The following MTHFD1L variants were observed in gnomAD, a reference collection of about 807,000 sequenced individuals.
MTHFD1L encodes the protein monofunctional C1-tetrahydrofolate synthase, mitochondrial.
Under a neutral mutation model 119.5 loss-of-function variants are expected in MTHFD1L, and 81 were observed. That is an observed-to-expected ratio of 0.68 (90% CI 0.57 to 0.82). The LOEUF is 0.82. Among genes scored for constraint, MTHFD1L ranks in the 40% least tolerant of loss-of-function variants. The pLI is 0.00. For synonymous variants in MTHFD1L, 430 were observed against 475.2 expected (o/e 0.90, Z 1.24); for missense variants, 1,125 against 1,253.4 (o/e 0.90, Z 1.55).
intron 5 of MTHFD1L, among the ~76,000 whole-genome samples, chr6:150,883,788 C>T (rs1179284372): frequency 6.6e-5 from 10 of 152,126 alleles, no homozygotes; most frequent in Non-Finnish European, 1.3e-4. Context: ...CATTTTCCTC[C>T]ATGGAAATAT....
chr6:151,088,659 C>G (rs1396221651), intron 26 of MTHFD1L, among the ~76,000 whole-genome samples: 1 of 134,704 alleles, frequency 7.4e-6, no homozygotes, highest in African/African-American at 2.8e-5. Context: ...GTAGAAGAGA[C>G]AGAGTTTCGC....
intron 6 of MTHFD1L, 89 bp downstream of exon 6, chr6:150,885,823 A>C (rs1782147795): frequency 1.0e-6 from 1 of 965,960 alleles, no homozygotes; most frequent in African/African-American, 1.7e-5. Context: ...AAGAATTAAA[A>C]ATTTTTTTAA....
chr6:150,886,505 A>AGGTTGGGATTTATTGGTGAGCAGCTTGC (rs1782330900), intron 6 of MTHFD1L, among the ~76,000 whole-genome samples: 1 of 151,174 alleles, frequency 6.6e-6, no homozygotes, highest in African/African-American at 2.4e-5. Context: ...ACAGGAGCCT[A>AGGTTGGGATTTATTGGTGAGCAGCTTGC]GGTTGGGATT....
intron 22 of MTHFD1L, 145 bp from the exon 23 acceptor site, chr6:151,014,734 CT>C: frequency 1.6e-6 from 1 of 616,324 alleles, no homozygotes. Context: ...AGACGAACCT[CT>C]TTATTCTTGC....
chr6:151,004,560 A>G (rs1379891480), intron 20 of MTHFD1L, among the ~76,000 whole-genome samples: 1 of 152,146 alleles, frequency 6.6e-6, no homozygotes, highest in Non-Finnish European at 1.5e-5. Flanking sequence ...GCACCCGTGG[A>G]TGATCATGGA....
chr6:150,899,915 G>A (rs961132626), intron 7 of MTHFD1L, among the ~76,000 whole-genome samples: 4 of 151,414 alleles, frequency 2.6e-5, no homozygotes, highest in Admixed American at 6.6e-5. Context: ...AGGTTGCAGC[G>A]AGCTGAGATT....
At chr6:150,957,623 T>G (rs1367171109) in intron 17 of MTHFD1L, among the ~76,000 whole-genome samples, 1 of 152,148 alleles carries the variant, frequency 6.6e-6, no homozygotes, top group Non-Finnish European at 1.5e-5. Context: ...TGTCCAACAG[T>G]AGAGATGGTT....
At chr6:151,082,495 G>A (rs1793292751) in intron 26 of MTHFD1L, among the ~76,000 whole-genome samples, 1 of 152,090 alleles carries the variant, frequency 6.6e-6, no homozygotes, top group African/African-American at 2.4e-5. Flanking sequence ...TAAAATTGTA[G>A]ACCCAGAAAA....
chr6:151,100,010 A>C, intron 27 of MTHFD1L: 1 of 732,338 alleles, frequency 1.4e-6, no homozygotes, highest in Non-Finnish European at 2.3e-6. Context: ...AAAAAAGAAA[A>C]GAAAGAAATA....
At chr6:150,885,773 A>T in intron 6 of MTHFD1L, 39 bp downstream of exon 6, 1 of 1,464,404 alleles carries the variant, frequency 6.8e-7, no homozygotes, top group South Asian at 1.2e-5. Flanking sequence ...ATTTCTATTT[A>T]TTGGTATTTA....
At chr6:150,946,565 C>T (rs112699709) in intron 15 of MTHFD1L, among the ~76,000 whole-genome samples, 130 of 152,254 alleles carry the variant, frequency 8.5e-4, no homozygotes, top group African/African-American at 3.1e-3. Context: ...GTCTTCTAAT[C>T]ATATTGCTTG....
chr6:151,055,267 G>GA (rs536961476), intron 26 of MTHFD1L, among the ~76,000 whole-genome samples: 5,008 of 144,254 alleles, frequency 0.035, 259 homozygotes, highest in African/African-American at 0.12. Flanking sequence ...CCGTCTCAAG[G>GA]AAAAAAAAAA....
chr6:151,096,726 A>C (rs1016044113), intron 27 of MTHFD1L, among the ~76,000 whole-genome samples: 5 of 152,202 alleles, frequency 3.3e-5, no homozygotes, highest in African/African-American at 1.2e-4. Flanking sequence ...TTATTCCCCC[A>C]GGAAAGTGTT....
At chr6:150,918,201 G>A (rs1293964747) in intron 8 of MTHFD1L, among the ~76,000 whole-genome samples, 1 of 151,890 alleles carries the variant, frequency 6.6e-6, no homozygotes, top group Non-Finnish European at 1.5e-5. Flanking sequence ...AAGTAGCTGG[G>A]ACTACGGGTA....
intron 26 of MTHFD1L, among the ~76,000 whole-genome samples, chr6:151,054,337 A>T (rs1789547731): frequency 6.6e-6 from 1 of 152,188 alleles, no homozygotes; most frequent in African/African-American, 2.4e-5. Flanking sequence ...TTGGACAGTA[A>T]ATGGTTAATG....
intron 7 of MTHFD1L, among the ~76,000 whole-genome samples, chr6:150,897,950 T>C (rs1008438796): frequency 6.6e-6 from 1 of 152,194 alleles, no homozygotes; most frequent in Non-Finnish European, 1.5e-5. Context: ...GTTCAAATGA[T>C]TCTCCTGCCT....
intron 14 of MTHFD1L, 76 bp downstream of exon 14, chr6:150,944,669 G>A (rs1488388748): frequency 1.9e-6 from 2 of 1,053,500 alleles, no homozygotes; most frequent in Non-Finnish European, 2.9e-6. Flanking sequence ...TTTGTGGAAA[G>A]AATTCTGGTG....
intron 11 of MTHFD1L, 64 bp from the exon 12 acceptor site, chr6:150,936,740 C>A: frequency 6.4e-7 from 1 of 1,559,998 alleles, no homozygotes; most frequent in South Asian, 1.1e-5. Flanking sequence ...CTGGTGTCTT[C>A]GGCTGGTTTT....
rs1788394984 is a variant in MTHFD1L, at chr6:150,918,601, G to T, written c.917G>T (p.Arg306Ile). 6.2e-7 allele frequency: 1 copy of T among 1,613,982 alleles called. No individual in the cohort carries two copies. The highest frequency in any genetic ancestry group is 8.5e-7 in the Non-Finnish European group (1 of 1,179,972). Residue 306 changes from arginine to isoleucine, a missense_variant, in exon 9 of 28, where the codon AGA becomes ATA. This residue lies in a region of MTHFD1L where 1,058 missense variants were observed against 1,151.2 expected (regional missense o/e 0.92). Coordinates refer to ENST00000367321, the MANE Select transcript of MTHFD1L (RefSeq NM_015440.5). ...LSGKVGCGSPRIHFGGLIEED... is the reference protein window; with the variant it reads ...LSGKVGCGSPIIHFGGLIEED... ...GGGAAGGTTGGGTGTGGCTCTCCAAGAATACATTTTGGTGGACTCATTGAG... is the reference window on the plus strand; with the variant it reads ...GGGAAGGTTGGGTGTGGCTCTCCAATAATACATTTTGGTGGACTCATTGAG...
Sources: allele counts gnomAD v4.1 joint callset (sites outside exome capture counted in the v4.1 genomes callset), GRCh38; gene constraint gnomAD v4.1.1; regional missense constraint gnomAD v4.1.1; transcripts MANE v1.5; gene names NCBI Gene and HGNC (gene_info 2026-07-23, HGNC 2026-07-21).